ST6GALNAC2: variants seen among roughly 807,000 people sequenced by gnomAD.
ST6GALNAC2 encodes alpha-N-acetylgalactosaminide alpha-2,6-sialyltransferase 2.
In ST6GALNAC2, 42 loss-of-function variants were observed where a neutral mutation model predicts 38.7. The observed-to-expected ratio is 1.09, with a 90% CI of 0.85 to 1.40. ST6GALNAC2 has a LOEUF of 1.40. ST6GALNAC2 is among the 40% of genes most tolerant of loss of function. ST6GALNAC2 has a pLI of 0.00. For synonymous variants in ST6GALNAC2, 233 were observed against 209.0 expected (o/e 1.11, Z -0.99); for missense variants, 506 against 481.7 (o/e 1.05, Z -0.47).
At position 76,573,058 on chromosome 17, in the gene ST6GALNAC2, T is replaced by G. The variant is rs924479371; in HGVS notation, c.530+137A>C. ...CAGGGCCTACTGTTTGTTTTTGCCT[T>G]GTCCATGCCCGTGTGCTGGTCACAA... On this transcript the variant is annotated intron_variant, in intron 4 of 8. Coordinates refer to ENST00000225276, the MANE Select transcript of ST6GALNAC2 (RefSeq NM_006456.3). This position sits in a 1 kb window ranked among gnomAD's most constrained non-coding sequence, Gnocchi z 5.1. 20 of 1,019,174 alleles carry G rather than the reference T, an allele frequency of 2.0e-5. No individual in the cohort carries two copies. The highest frequency in any genetic ancestry group is 2.7e-5 in the Non-Finnish European group (19 of 715,246). 63.1% of individuals were successfully genotyped at this position (1,019,174 alleles called of 1,614,324 possible). A position where few individuals can be genotyped will look rare whatever the true frequency, so the allele number is the denominator to read the frequency against.
intron 7 of ST6GALNAC2, chr17:76,568,478 T>G (rs1284756802): frequency 1.2e-5 from 7 of 582,474 alleles, no homozygotes; most frequent in African/African-American, 1.1e-4. Flanking sequence ...CTCCTTGAGT[T>G]ATCCTGAGTT....
chr17:76,566,966 C>T (rs1019050822), intron 8 of ST6GALNAC2, among the ~76,000 whole-genome samples: 1 of 152,162 alleles, frequency 6.6e-6, no homozygotes, highest in Non-Finnish European at 1.5e-5. Flanking sequence ...ATGAGCTTCA[C>T]GTGGGTCATA....
chr17:76,570,090 C>A, intron 6 of ST6GALNAC2: 1 of 167,724 alleles, frequency 6.0e-6, no homozygotes, highest in Non-Finnish European at 1.3e-5. Context: ...CTCGAGTCTG[C>A]TCTCCCGTTT....
At position 76,566,260 on chromosome 17, in the gene ST6GALNAC2, A is replaced by G. The variant is rs1486644109; in HGVS notation, c.969T>C (p.Tyr323=). The change falls in exon 9 of 9, where the codon TAT becomes TAC. Residue 323 remains tyrosine, a synonymous_variant. Coordinates refer to ENST00000225276, the MANE Select transcript of ST6GALNAC2 (RefSeq NM_006456.3). ...TCCAGTAGTTGCTTGTGATGAATCC[A>G]TAGGCACTGACCTGGGCAAGGATAG... ...ALHTCDQVSA[Y]GFITSNYWKF... 8.1e-6 allele frequency: 13 copies of G among 1,614,012 alleles called. No homozygotes were observed. The highest frequency in any genetic ancestry group is 1.6e-4 in the Middle Eastern group (1 of 6,084).
At chr17:76,572,222 C>T (rs1055577007) in intron 5 of ST6GALNAC2, among the ~76,000 whole-genome samples, 2 of 152,062 alleles carry the variant, frequency 1.3e-5, no homozygotes, top group East Asian at 3.9e-4. Context: ...ATCCCCTTCT[C>T]CTGGGAGTCT....
intron 1 of ST6GALNAC2, among the ~76,000 whole-genome samples, chr17:76,584,260 A>T (rs2075517039): frequency 6.8e-6 from 1 of 146,196 alleles, no homozygotes; most frequent in African/African-American, 2.5e-5. Context: ...TGGCGCGATC[A>T]CAGCTCACTG....
rs908041089 is a variant in ST6GALNAC2, at chr17:76,565,816, A to G, written c.*288T>C. On this transcript the variant is annotated 3_prime_UTR_variant, in exon 9 of 9. Transcript: ENST00000225276. ...GGACTGCTGTCTGATCTTGCTGAAC[A>G]CTCCACCGACATTTCCTAAAGTTGC... 1 of 316,378 alleles carries G rather than the reference A, an allele frequency of 3.2e-6. No individual in the cohort carries two copies. Among genetic ancestry groups the G allele is most frequent in the Non-Finnish European group, 5.8e-6 (1 of 171,144 alleles). 19.6% of individuals were successfully genotyped at this position (316,378 alleles called of 1,614,324 possible).
intron 1 of ST6GALNAC2, among the ~76,000 whole-genome samples, chr17:76,581,751 G>A (rs546981771): frequency 6.6e-6 from 1 of 152,352 alleles, no homozygotes; most frequent in South Asian, 2.1e-4. Flanking sequence ...AAGGGGACCA[G>A]CCTGCACATG....
At position 76,583,932 on chromosome 17, in the gene ST6GALNAC2, C is replaced by G. The variant is rs1195020258; in HGVS notation, c.125+1752G>C. ...ACGCCATTCTCCTGCCTCAGCCTCC[C>G]GAGTAGCTGGGACTACAGGTGCCCG... On this transcript the variant is annotated intron_variant, in intron 1 of 8. Coordinates refer to ENST00000225276, the MANE Select transcript of ST6GALNAC2 (RefSeq NM_006456.3). Among the ~76,000 whole-genome samples, 13 of 147,726 alleles carry G rather than the reference C, an allele frequency of 8.8e-5. 1 individual carries two copies. Among genetic ancestry groups the G allele is most frequent in the Non-Finnish European group, 1.3e-4 (9 of 66,960 alleles).
intron 7 of ST6GALNAC2, chr17:76,568,480 T>G: frequency 1.7e-6 from 1 of 584,932 alleles, no homozygotes; most frequent in Non-Finnish European, 3.1e-6. Flanking sequence ...CCTTGAGTTA[T>G]CCTGAGTTTC....
At position 76,583,375 on chromosome 17, in the gene ST6GALNAC2, C is replaced by CA. The variant is rs71158028; in HGVS notation, c.125+2308dup. On this transcript the variant is annotated intron_variant, in intron 1 of 8. Coordinates refer to ENST00000225276, the MANE Select transcript of ST6GALNAC2 (RefSeq NM_006456.3). ...TGGGCGACAGAGGGAGACTCTGTCC[C>CA]AAAAAAAAAAAGAAGATAATGTATT... is the stretch of plus-strand genomic sequence containing the variant. 8.5e-4 allele frequency among the ~76,000 whole-genome samples: 83 copies of CA among 97,516 alleles called. 2 individuals carry two copies. Among genetic ancestry groups the CA allele is most frequent in the Admixed American group, 2.0e-3 (16 of 8,108 alleles). The allele number at this position is 97,516 out of a possible 152,430, so 64.0% of individuals were successfully genotyped here. A position where few individuals can be genotyped will look rare whatever the true frequency, so the allele number is the denominator to read the frequency against.
chr17:76,570,547 C>T lies in ST6GALNAC2; in HGVS notation c.773+18G>A. The T allele has an allele frequency of 6.3e-7, 1 of 1,580,796 alleles. No individual in the cohort carries two copies. The highest frequency in any genetic ancestry group is 1.1e-5 in the South Asian group (1 of 88,740). On this transcript the variant is annotated intron_variant, in intron 6 of 8. Transcript: ENST00000225276. Reference sequence around the variant, plus strand: ...GCCCCTCTGCCACGCCCCACACCACCACGGCCTGGCTGCTCACCTGTCCCC... The same window carrying T: ...GCCCCTCTGCCACGCCCCACACCACTACGGCCTGGCTGCTCACCTGTCCCC...
intron 8 of ST6GALNAC2, among the ~76,000 whole-genome samples, chr17:76,567,183 A>G (rs2075294676): frequency 6.6e-6 from 1 of 152,114 alleles, no homozygotes; most frequent in South Asian, 2.1e-4. Context: ...GAAGAGTGAA[A>G]GAAGGAAGCC....
rs751935503 is a variant in ST6GALNAC2 at position 76,567,541 on chromosome 17, G to C, written c.869C>G (p.Ser290Ter). 1 of 1,613,178 alleles carries C rather than the reference G, an allele frequency of 6.2e-7. No homozygotes were observed. Among genetic ancestry groups the C allele is most frequent in the South Asian group, 1.1e-5 (1 of 91,052 alleles). ...TCCAAAATGTGTGTTAATCAACTTT[G>C]ATTTCAAGAACCTGGAAGCAAAAAG... ...ISYLTERFLK[S>*]KLINTHFGDL... Residue 290 changes from serine (S) to a stop codon, truncating the protein, a stop_gained, in exon 8 of 9, where the codon TCA becomes TGA. Coordinates refer to ENST00000225276, the MANE Select transcript of ST6GALNAC2 (RefSeq NM_006456.3). LOFTEE classifies it high-confidence loss of function.
rs557374792 is a variant in ST6GALNAC2 at position 76,568,514 on chromosome 17, A to G, written c.857+199T>C. 3 of 605,848 alleles carry G rather than the reference A, an allele frequency of 5.0e-6. No individual in the cohort carries two copies. The East Asian group carries it at 8.3e-5, about 17-fold the overall frequency. 37.5% of individuals were successfully genotyped at this position (605,848 alleles called of 1,614,324 possible). A position where few individuals can be genotyped will look rare whatever the true frequency, so the allele number is the denominator to read the frequency against. ...TCCTGTCCATTTCCTGGTGACTGAC[A>G]TATATCACCCTCCCTCTATCAAGGT... On this transcript the variant is annotated intron_variant, in intron 7 of 8. Coordinates refer to ENST00000225276, the MANE Select transcript of ST6GALNAC2 (RefSeq NM_006456.3).
intron 1 of ST6GALNAC2, among the ~76,000 whole-genome samples, chr17:76,579,792 A>G (rs983544082): frequency 3.9e-5 from 6 of 152,130 alleles, no homozygotes; most frequent in African/African-American, 1.4e-4. Flanking sequence ...CCTTCCATCT[A>G]TGAGGATGCA....
chr17:76,566,467 T>G (rs1426668323), intron 8 of ST6GALNAC2, among the ~76,000 whole-genome samples, 196 bp from the exon 9 acceptor site: 1 of 152,096 alleles, frequency 6.6e-6, no homozygotes, highest in Non-Finnish European at 1.5e-5. Flanking sequence ...TAGCTGGTGA[T>G]TGCCAGAGCT....
intron 3 of ST6GALNAC2, among the ~76,000 whole-genome samples, chr17:76,574,115 G>A (rs990529441): frequency 6.6e-6 from 1 of 152,200 alleles, no homozygotes; most frequent in Non-Finnish European, 1.5e-5. Context: ...AGCCTTTCTT[G>A]CCAGGGAGGC....
chr17:76,579,682 G>A lies in ST6GALNAC2; in HGVS notation c.126-866C>T, dbSNP rs564925767. Among the ~76,000 whole-genome samples, 25 of 152,296 alleles carry A rather than the reference G, an allele frequency of 1.6e-4. No individual in the cohort carries two copies. In the South Asian group the frequency reaches 3.3e-3, roughly 20 times the overall value. ...CTGCCTTCATGAATGGATTAATTTG[G>A]TTATTGCAAGAGTGGGTTAGTTATT... On this transcript the variant is annotated intron_variant, in intron 1 of 8. Coordinates refer to ENST00000225276, the MANE Select transcript of ST6GALNAC2 (RefSeq NM_006456.3).
Sources: allele counts gnomAD v4.1 joint callset (sites outside exome capture counted in the v4.1 genomes callset), GRCh38; gene constraint gnomAD v4.1.1; non-coding constraint Gnocchi (gnomAD v3.1); transcripts MANE v1.5; gene names NCBI Gene and HGNC (gene_info 2026-07-23, HGNC 2026-07-21).